TULP4: variants seen among roughly 807,000 people sequenced by gnomAD.
The protein encoded by TULP4 is tubby-related protein 4.
TULP4 carries 16 observed loss-of-function variants against 129.0 expected under a neutral mutation model. The ratio of observed to expected loss-of-function variants is 0.12; its 90% CI spans 0.08 to 0.19. The LOEUF (loss-of-function observed/expected upper bound fraction) is 0.19. TULP4 is among the 10% of genes least tolerant of loss of function. The pLI, the probability that TULP4 is intolerant of heterozygous loss-of-function variation, is 1.00. For synonymous variants in TULP4, 998 were observed against 854.0 expected, an observed-to-expected ratio of 1.17 and a Z score of -2.94; for missense variants, 1,842 against 2,059.1, an observed-to-expected ratio of 0.89 and a Z score of 2.04.
chr6:158,422,215 TAGAC>T (rs548338045), intron 2 of TULP4, among the ~76,000 whole-genome samples: 122 of 152,118 alleles, frequency 8.0e-4, no homozygotes, highest in Non-Finnish European at 1.4e-3. Context: ...ATCAACAAAA[TAGAC>T]AGATGTCTTG....
chr6:158,415,379 A>T (rs827964), intron 2 of TULP4, among the ~76,000 whole-genome samples: 103,010 of 143,528 alleles, frequency 0.72, 37,540 homozygotes, highest in African/African-American at 0.78. Context: ...AGACGGAGTC[A>T]CGCTCTGTCG....
At chr6:158,305,211 T>G (rs1017437426) in intron 1 of TULP4, among the ~76,000 whole-genome samples, 1 of 152,130 alleles carries the variant, frequency 6.6e-6, no homozygotes, top group African/African-American at 2.4e-5. Flanking sequence ...GGTATTGGTC[T>G]TTTTGTGACT....
At chr6:158,408,519 T>A (rs1778016696) in intron 1 of TULP4, among the ~76,000 whole-genome samples, 2 of 152,104 alleles carry the variant, frequency 1.3e-5, no homozygotes, top group East Asian at 3.8e-4. Context: ...CTGGCCCCGG[T>A]CTGAGGTCCT....
At chr6:158,269,535 A>G (rs768535241) in intron 1 of TULP4, among the ~76,000 whole-genome samples, 2 of 152,162 alleles carry the variant, frequency 1.3e-5, no homozygotes, top group Non-Finnish European at 2.9e-5. Context: ...TGAGATTTTG[A>G]TAGACTTTAA....
At chr6:158,244,197 T>G (rs1777982385) in intron 1 of TULP4, among the ~76,000 whole-genome samples, 1 of 152,210 alleles carries the variant, frequency 6.6e-6, no homozygotes, top group Non-Finnish European at 1.5e-5. Flanking sequence ...ACGTCTCTAG[T>G]AATCTCATAG....
At chr6:158,425,153 CAAAAAAAA>C (rs562712423) in intron 2 of TULP4, among the ~76,000 whole-genome samples, 11 of 39,804 alleles carry the variant, frequency 2.8e-4, no homozygotes, top group Admixed American at 4.8e-4. Flanking sequence ...GACACCATCT[CAAAAAAAA>C]AAAAAAAAAA....
chr6:158,375,918 C>T (rs1260512616), intron 1 of TULP4, among the ~76,000 whole-genome samples: 1 of 152,162 alleles, frequency 6.6e-6, no homozygotes, highest in East Asian at 1.9e-4. Flanking sequence ...CAAGGGAGAT[C>T]ATTGTGGCTT....
intron 3 of TULP4, among the ~76,000 whole-genome samples, chr6:158,438,720 G>C (rs1391692380): frequency 6.6e-6 from 1 of 151,964 alleles, no homozygotes; most frequent in Non-Finnish European, 1.5e-5. Flanking sequence ...GAGTAGCTGG[G>C]ATTACAGGCA....
At chr6:158,288,313 G>T (rs9459954) in intron 1 of TULP4, among the ~76,000 whole-genome samples, 26,250 of 151,800 alleles carry the variant, frequency 0.17, 2,705 homozygotes, top group Middle Eastern at 0.24. Flanking sequence ...GTGGTAGCTC[G>T]GACCTCCAGT....
At chr6:158,406,328 A>G (rs946523585) in intron 1 of TULP4, among the ~76,000 whole-genome samples, 1 of 152,210 alleles carries the variant, frequency 6.6e-6, no homozygotes, top group Non-Finnish European at 1.5e-5. Flanking sequence ...TAAATTAACT[A>G]TTAATACTAA....
At position 158,510,146 on chromosome 6, in the gene TULP4, T is replaced by C. The variant is rs1562599504; in HGVS notation, c.*3452T>C. Reference sequence around the variant, plus strand: ...CACAGATTTGTGTACAATATACCCATTGAATGTATATCCTGAGAAAAATTG... The same window carrying C: ...CACAGATTTGTGTACAATATACCCACTGAATGTATATCCTGAGAAAAATTG... On this transcript the variant is annotated 3_prime_UTR_variant, in exon 14 of 14. Transcript: ENST00000367097. The C allele has an allele frequency of 2.0e-5, 3 of 152,604 alleles. No homozygotes were observed. The highest frequency in any genetic ancestry group is 2.9e-5 in the Non-Finnish European group (2 of 68,034). 9.5% of individuals were successfully genotyped at this position (152,604 alleles called of 1,614,324 possible). A position where few individuals can be genotyped will look rare whatever the true frequency, so the allele number is the denominator to read the frequency against.
At chr6:158,478,094 G>T (rs901601461) in intron 6 of TULP4, among the ~76,000 whole-genome samples, 1 of 152,106 alleles carries the variant, frequency 6.6e-6, no homozygotes, top group Non-Finnish European at 1.5e-5. Flanking sequence ...ACAACTTGAG[G>T]GTGGAGAGTG....
intron 1 of TULP4, among the ~76,000 whole-genome samples, chr6:158,390,091 AAT>A (rs1777550238): frequency 6.6e-6 from 1 of 152,182 alleles, no homozygotes; most frequent in Non-Finnish European, 1.5e-5. Flanking sequence ...AAAAAATTTA[AAT>A]TACGTAAGTC....
At chr6:158,331,771 G>GTATATATATATATA (rs553636109) in intron 1 of TULP4, among the ~76,000 whole-genome samples, 2 of 30,832 alleles carry the variant, frequency 6.5e-5, no homozygotes, top group Admixed American at 5.0e-4. Flanking sequence ...ATATATACAC[G>GTATATATATATATA]TATATATACA....
chr6:158,331,757 G>GTA lies in TULP4; in HGVS notation c.252+17490_252+17491insAT, dbSNP rs1171180222. On this transcript the variant is annotated intron_variant, in intron 1 of 13. Coordinates refer to ENST00000367097, the MANE Select transcript of TULP4 (RefSeq NM_020245.5). ...CGTATATATATACGTGTATATACACGTGTATATATACACGTATATATACAC... is the reference window on the plus strand; with the variant it reads ...CGTATATATATACGTGTATATACACGTATGTATATATACACGTATATATACAC... 2.4e-4 allele frequency among the ~76,000 whole-genome samples: 4 copies of GTA among 16,402 alleles called. 1 individual carries two copies. The highest frequency in any genetic ancestry group is 3.3e-4 in the African/African-American group (2 of 6,130). 10.8% of individuals were successfully genotyped at this position (16,402 alleles called of 152,430 possible).
chr6:158,281,735 T>C (rs1778756806), upstream of TULP4, among the ~76,000 whole-genome samples: 1 of 152,230 alleles, frequency 6.6e-6, no homozygotes. Flanking sequence ...CTGCTTTTAC[T>C]GAGTTACCCA....
chr6:158,241,076 G>C (rs541216482), intron 1 of TULP4, among the ~76,000 whole-genome samples: 2 of 138,834 alleles, frequency 1.4e-5, no homozygotes, highest in South Asian at 2.4e-4. Flanking sequence ...ACGGGGTCTC[G>C]GCCGGGCAGA....
At chr6:158,443,817 AT>A (rs1778953741) in intron 3 of TULP4, among the ~76,000 whole-genome samples, 1 of 152,116 alleles carries the variant, frequency 6.6e-6, no homozygotes, top group South Asian at 2.1e-4. Context: ...CAGTTCTGTC[AT>A]TTACAACTGT....
At chr6:158,247,574 G>A (rs998777195) in intron 1 of TULP4, among the ~76,000 whole-genome samples, 4 of 152,300 alleles carry the variant, frequency 2.6e-5, no homozygotes, top group Admixed American at 2.6e-4. Context: ...AGGAAGATTA[G>A]TTTAAACTTC....
Sources: gnomAD v4.1 joint callset for allele counts (sites outside exome capture counted in the v4.1 genomes callset) on GRCh38, gnomAD v4.1.1 for gene constraint, MANE v1.5 for transcripts, NCBI Gene and HGNC (gene_info 2026-07-23, HGNC 2026-07-21) for gene names.